The following UBE2H variants were observed in gnomAD, a reference collection of about 807,000 sequenced individuals.
UBE2H encodes ubiquitin-conjugating enzyme E2 H.
A neutral mutation model predicts 29.0 loss-of-function variants in UBE2H; 3 were observed. The observed-to-expected ratio is 0.10, with a 90% confidence interval of 0.05 to 0.27. The LOEUF is 0.27. Among genes scored for constraint, UBE2H ranks in the 10% least tolerant of loss-of-function variants. UBE2H has a pLI of 1.00. For synonymous variants in UBE2H, 69 were observed against 82.9 expected (o/e 0.83, Z 0.91); for missense variants, 68 against 228.2 (o/e 0.30, Z 4.52).
intron 1 of UBE2H, among the ~76,000 whole-genome samples, chr7:129,936,641 A>G (rs141209388): frequency 6.6e-6 from 1 of 151,580 alleles, no homozygotes; most frequent in East Asian, 2.0e-4. Flanking sequence ...AGCAAATAAA[A>G]AGATACATAT....
intron 5 of UBE2H, among the ~76,000 whole-genome samples, chr7:129,844,651 AG>A: frequency 6.6e-6 from 1 of 152,336 alleles, no homozygotes; most frequent in South Asian, 2.1e-4. Context: ...TAACTTTTAA[AG>A]GAAGTCCCAA....
intron 1 of UBE2H, among the ~76,000 whole-genome samples, chr7:129,896,205 C>A (rs984409357): frequency 1.3e-5 from 2 of 151,596 alleles, no homozygotes; most frequent in African/African-American, 4.9e-5. Flanking sequence ...GACGTGGTGG[C>A]GGGCATCTGT....
rs202131167 is a variant in UBE2H at position 129,931,517 on chromosome 7, G to GA, written c.53+20985dup. On this transcript the variant is annotated intron_variant, in intron 1 of 6. Transcript: ENST00000355621. ...GCATATAAATATAAATCATCTTTAA[G>GA]AAAAAAAAAACTAATTTCCAAAACA... Among the ~76,000 whole-genome samples the GA allele has an allele frequency of 3.4e-3, 503 of 147,730 alleles. 1 individual carries two copies. The highest frequency in any genetic ancestry group is 0.011 in the African/African-American group (430 of 40,430).
chr7:129,938,684 C>T (rs1225244060), intron 1 of UBE2H, among the ~76,000 whole-genome samples: 1 of 150,138 alleles, frequency 6.7e-6, no homozygotes, highest in African/African-American at 2.4e-5. Context: ...CCAGCCTGGG[C>T]GCCAAGAGCA....
chr7:129,879,668 C>G, intron 2 of UBE2H, 26 bp from the exon 3 acceptor site: 1 of 1,579,206 alleles, frequency 6.3e-7, no homozygotes, highest in Non-Finnish European at 8.7e-7. Context: ...AAATGTTCAT[C>G]AGAACTACAT....
At chr7:129,843,997 C>T (rs951230229) in intron 5 of UBE2H, among the ~76,000 whole-genome samples, 3 of 152,190 alleles carry the variant, frequency 2.0e-5, no homozygotes, top group African/African-American at 7.2e-5. Flanking sequence ...AGATTTTATA[C>T]CCTTTCCTAC....
intron 1 of UBE2H, among the ~76,000 whole-genome samples, chr7:129,950,422 T>G (rs1265766618): frequency 6.6e-6 from 1 of 152,030 alleles, no homozygotes; most frequent in East Asian, 1.9e-4. Context: ...CCTGCTGTTC[T>G]TTGTCTGTTT....
chr7:129,939,958 C>CA lies in UBE2H; in HGVS notation c.53+12544dup, dbSNP rs368470268. On this transcript the variant is annotated intron_variant, in intron 1 of 6. Transcript: ENST00000355621. ...TGGGCGACAACATGAGACTCCATCT[C>CA]AAAAAAAAAAAGAAAGAAAGAAAGA... is the stretch of plus-strand genomic sequence containing the variant. Among the ~76,000 whole-genome samples the CA allele has an allele frequency of 3.7e-3, 491 of 134,386 alleles. 3 individuals are homozygous for CA. Among genetic ancestry groups the CA allele is most frequent in the African/African-American group, 0.012 (443 of 36,102 alleles). 88.2% of individuals were successfully genotyped at this position (134,386 alleles called of 152,430 possible).
At chr7:129,896,241 G>A (rs1806598222) in intron 1 of UBE2H, among the ~76,000 whole-genome samples, 1 of 151,744 alleles carries the variant, frequency 6.6e-6, no homozygotes, top group African/African-American at 2.4e-5. Context: ...AGAGGCTGAG[G>A]CAGGAGAATC....
intron 1 of UBE2H, 116 bp downstream of exon 1, chr7:129,952,387 G>A (rs1807896095): frequency 7.8e-7 from 1 of 1,286,200 alleles, no homozygotes; most frequent in Non-Finnish European, 1.1e-6. Context: ...GGGAGGAGGG[G>A]AGTCTCGGAC....
At chr7:129,836,709 A>T (rs1805331769) in intron 6 of UBE2H, among the ~76,000 whole-genome samples, 1 of 151,846 alleles carries the variant, frequency 6.6e-6, no homozygotes, top group Non-Finnish European at 1.5e-5. Flanking sequence ...GTGAAACCCC[A>T]TCTCTACAAA....
chr7:129,836,941 C>G (rs137873872), intron 6 of UBE2H, among the ~76,000 whole-genome samples: 2 of 141,574 alleles, frequency 1.4e-5, no homozygotes, highest in African/African-American at 5.2e-5. Flanking sequence ...AGATTCCACT[C>G]AGTATCAGAG....
intron 5 of UBE2H, among the ~76,000 whole-genome samples, chr7:129,848,049 A>G (rs942088232): frequency 2.6e-5 from 4 of 152,204 alleles, no homozygotes; most frequent in Non-Finnish European, 5.9e-5. Context: ...GTAATCAGAG[A>G]AAGTTTCCTT....
intron 5 of UBE2H, among the ~76,000 whole-genome samples, chr7:129,850,893 GAGAGAGAA>G (rs1805597441): frequency 1.3e-5 from 2 of 151,718 alleles, no homozygotes; most frequent in African/African-American, 4.8e-5. Context: ...AGAAAGGAGA[GAGAGAGAA>G]AGAAAGAAAG....
chr7:129,905,298 G>A (rs1298806638), intron 1 of UBE2H, among the ~76,000 whole-genome samples: 2 of 151,754 alleles, frequency 1.3e-5, no homozygotes, highest in African/African-American at 4.8e-5. Context: ...ACAGATCTAC[G>A]ATGAGATGGT....
intron 1 of UBE2H, among the ~76,000 whole-genome samples, chr7:129,933,144 G>A (rs974371472): frequency 6.6e-6 from 1 of 152,120 alleles, no homozygotes; most frequent in African/African-American, 2.4e-5. Context: ...CTATTATTCT[G>A]AATAACTAAG....
chr7:129,927,455 G>A lies in UBE2H; in HGVS notation c.53+25048C>T, dbSNP rs1272490588. Among the ~76,000 whole-genome samples, 5 of 152,260 alleles carry A rather than the reference G, an allele frequency of 3.3e-5. No homozygotes were observed. The East Asian group carries it at 9.7e-4, about 29-fold the overall frequency. ...CTTGGGGAGGCTGAGGCAGAGAATT[G>A]CTTGAACCCTGGAGGCAGAGGTTGC... On this transcript the variant is annotated intron_variant, in intron 1 of 6. Coordinates refer to ENST00000355621, the MANE Select transcript of UBE2H (RefSeq NM_003344.4).
chr7:129,916,032 A>G (rs1807037031), intron 1 of UBE2H, among the ~76,000 whole-genome samples: 1 of 152,244 alleles, frequency 6.6e-6, no homozygotes, highest in South Asian at 2.1e-4. Context: ...GAAAAAATCC[A>G]TAAAACCCTC....
chr7:129,837,056 ATT>A (rs1805344179), intron 6 of UBE2H, among the ~76,000 whole-genome samples: 1 of 152,146 alleles, frequency 6.6e-6, no homozygotes, highest in Non-Finnish European at 1.5e-5. Flanking sequence ...GCTATCCAAT[ATT>A]TAAACACTTT....
Sources: allele counts gnomAD v4.1 joint callset (sites outside exome capture counted in the v4.1 genomes callset), GRCh38; gene constraint gnomAD v4.1.1; transcripts MANE v1.5; gene names NCBI Gene and HGNC (gene_info 2026-07-23, HGNC 2026-07-21).